MEI4: variants seen among roughly 807,000 people sequenced by gnomAD.
MEI4 encodes the protein meiosis-specific protein MEI4.
Under a neutral mutation model 31.4 loss-of-function variants are expected in MEI4, and 27 were observed. The observed-to-expected ratio is 0.86, with a 90% CI of 0.63 to 1.19. MEI4 has a LOEUF of 1.19. Ranked by LOEUF, MEI4 falls within the 50% of genes most tolerant of loss-of-function variation. The probability of loss-of-function intolerance (pLI) is 0.00; values close to 1 mark genes in which losing one functional copy is unlikely to be tolerated. For synonymous variants in MEI4, 122 were observed against 145.4 expected (o/e 0.84, Z 1.16); for missense variants, 329 against 398.9 (o/e 0.82, Z 1.49).
At chr6:77,815,198 T>C (rs1480203687) in intron 3 of MEI4, among the ~76,000 whole-genome samples, 4 of 152,082 alleles carry the variant, frequency 2.6e-5, no homozygotes, top group Admixed American at 2.6e-4. Context: ...AGGCAATCAG[T>C]CACACAGACA....
upstream of MEI4, among the ~76,000 whole-genome samples, chr6:77,650,622 A>C (rs1455082231): frequency 2.6e-5 from 4 of 152,220 alleles, no homozygotes; most frequent in African/African-American, 9.6e-5. Flanking sequence ...GCCCTCCCTC[A>C]GCGCGAGGCC....
At chr6:77,748,389 G>A in intron 2 of MEI4, among the ~76,000 whole-genome samples, 1 of 152,218 alleles carries the variant, frequency 6.6e-6, no homozygotes, top group East Asian at 1.9e-4. Context: ...CCATGTGGAA[G>A]CTGCTTGGGG....
At chr6:77,753,919 C>T (rs1767847480) in intron 2 of MEI4, among the ~76,000 whole-genome samples, 1 of 152,046 alleles carries the variant, frequency 6.6e-6, no homozygotes, top group Non-Finnish European at 1.5e-5. Context: ...TACTGTGCAG[C>T]CATGAAAAAG....
chr6:77,836,556 A>G (rs1770222573), intron 4 of MEI4, among the ~76,000 whole-genome samples: 1 of 152,174 alleles, frequency 6.6e-6, no homozygotes, highest in African/African-American at 2.4e-5. Flanking sequence ...TAATAAAAAT[A>G]GAACATGCAA....
intron 3 of MEI4, among the ~76,000 whole-genome samples, chr6:77,781,965 A>G (rs1298991370): frequency 2.0e-5 from 3 of 152,140 alleles, no homozygotes. Flanking sequence ...GTTTCAGGCC[A>G]AATGCATGGA....
chr6:77,810,772 TA>T (rs1240716635), intron 3 of MEI4, among the ~76,000 whole-genome samples: 1 of 152,134 alleles, frequency 6.6e-6, no homozygotes, highest in Non-Finnish European at 1.5e-5. Context: ...TATTCAAAAA[TA>T]ACATGCATTT....
At chr6:77,742,368 C>A (rs1430633142) in intron 2 of MEI4, among the ~76,000 whole-genome samples, 3 of 151,830 alleles carry the variant, frequency 2.0e-5, no homozygotes, top group African/African-American at 7.3e-5. Context: ...TCTCTGATGG[C>A]CAGTGATGGT....
chr6:77,817,558 T>G (rs1026396513), intron 3 of MEI4, among the ~76,000 whole-genome samples: 1 of 152,152 alleles, frequency 6.6e-6, no homozygotes, highest in Non-Finnish European at 1.5e-5. Context: ...TGCCACAAAG[T>G]GATAATTAAT....
At chr6:77,778,223 G>A (rs1768505846) in intron 3 of MEI4, among the ~76,000 whole-genome samples, 1 of 151,996 alleles carries the variant, frequency 6.6e-6, no homozygotes, top group Non-Finnish European at 1.5e-5. Flanking sequence ...AAGTCAAATT[G>A]TAGGCATCCA....
At chr6:77,873,193 G>A (rs1003976446) in intron 4 of MEI4, among the ~76,000 whole-genome samples, 2 of 152,156 alleles carry the variant, frequency 1.3e-5, no homozygotes, top group Non-Finnish European at 2.9e-5. Flanking sequence ...CTTCCACAAT[G>A]GTTGAACTAG....
At chr6:77,833,414 G>C (rs1339002361) in intron 4 of MEI4, among the ~76,000 whole-genome samples, 1 of 151,984 alleles carries the variant, frequency 6.6e-6, no homozygotes, top group Non-Finnish European at 1.5e-5. Flanking sequence ...TAGCTTATAT[G>C]TTTCTTTAGA....
rs144299683 is a variant in MEI4 at position 77,816,225 on chromosome 6, T to C, written c.769-12706T>C. Among the ~76,000 whole-genome samples, 213 of 152,270 alleles carry C rather than the reference T, an allele frequency of 1.4e-3. 1 individual carries two copies. Among genetic ancestry groups the C allele is most frequent in the African/African-American group, 4.5e-3 (187 of 41,572 alleles). On this transcript the variant is annotated intron_variant, in intron 3 of 4. Transcript: ENST00000684080. ...TAGATACTGTCTACTCAAATTATAA[T>C]TTTAATTTTAGCATAGTTGATTATG...
At chr6:77,699,189 CTTT>C (rs70974682) in intron 2 of MEI4, among the ~76,000 whole-genome samples, 3 of 113,786 alleles carry the variant, frequency 2.6e-5, no homozygotes, top group Admixed American at 1.1e-4. Context: ...TTCAAAGTTT[CTTT>C]TTTTTTTTTT....
chr6:77,810,485 A>G lies in MEI4; in HGVS notation c.769-18446A>G, dbSNP rs575945546. On this transcript the variant is annotated intron_variant, in intron 3 of 4. Coordinates refer to ENST00000684080, the MANE Select transcript of MEI4 (RefSeq NM_001322247.2). Reference sequence around the variant, plus strand: ...TACAGGTGAGACTATGAGCCTGATAAGGGGTGAAGAAGGCATCTGCCCGGT... The same window carrying G: ...TACAGGTGAGACTATGAGCCTGATAGGGGGTGAAGAAGGCATCTGCCCGGT... Among the ~76,000 whole-genome samples the G allele has an allele frequency of 4.0e-5, 6 of 149,996 alleles. No homozygotes were observed. The South Asian group carries it at 1.3e-3, about 31-fold the overall frequency.
chr6:77,861,202 G>A (rs910520227), intron 4 of MEI4, among the ~76,000 whole-genome samples: 2 of 152,184 alleles, frequency 1.3e-5, no homozygotes, highest in Non-Finnish European at 2.9e-5. Context: ...GGTTGGAGAG[G>A]CTTAGATTGG....
intron 3 of MEI4, among the ~76,000 whole-genome samples, chr6:77,783,645 TTTTTA>T (rs1768652854): frequency 2.6e-5 from 4 of 152,154 alleles, no homozygotes; most frequent in Non-Finnish European, 5.9e-5. Context: ...AGAAGCCTCT[TTTTTA>T]TTTTATTAAT....
chr6:77,712,246 A>G (rs954117765), intron 2 of MEI4, among the ~76,000 whole-genome samples: 2 of 152,192 alleles, frequency 1.3e-5, no homozygotes, highest in Admixed American at 1.3e-4. Context: ...ATCTTGTGGC[A>G]TCATTTGTCT....
intron 2 of MEI4, among the ~76,000 whole-genome samples, chr6:77,717,090 C>T (rs1211217590): frequency 1.5e-5 from 2 of 136,308 alleles, no homozygotes; most frequent in Non-Finnish European, 3.1e-5. Flanking sequence ...TGGAGGATCC[C>T]GCCAGCCTCT....
Position 77,863,030 on chromosome 6 carries a change from A to G in MEI4, c.900+33968A>G, listed in dbSNP as rs554806479. Among the ~76,000 whole-genome samples the G allele has an allele frequency of 8.4e-3, 1,279 of 152,314 alleles. 15 individuals are homozygous for G. The highest frequency in any genetic ancestry group is 0.028 in the African/African-American group (1,160 of 41,570). Reference sequence around the variant, plus strand: ...GCTGAAGGTCTTGACTGTTAGAAGGAAAACTAACAAACAGAAAGGACATCC... The same window carrying G: ...GCTGAAGGTCTTGACTGTTAGAAGGGAAACTAACAAACAGAAAGGACATCC... On this transcript the variant is annotated intron_variant, in intron 4 of 4. Transcript: ENST00000684080.
Sources: allele counts gnomAD v4.1 joint callset (sites outside exome capture counted in the v4.1 genomes callset), GRCh38; gene constraint gnomAD v4.1.1; transcripts MANE v1.5; gene names NCBI Gene and HGNC (gene_info 2026-07-23, HGNC 2026-07-21).